SLC5A8: variants seen among roughly 807,000 people sequenced by gnomAD.
SLC5A8 encodes solute carrier family 5 member 8.
In SLC5A8, 55 loss-of-function variants were observed where a neutral mutation model predicts 71.9. The ratio of observed to expected loss-of-function variants is 0.77; its 90% CI spans 0.62 to 0.96. SLC5A8 has a LOEUF of 0.96. SLC5A8 is among the 40% of genes least tolerant of loss of function. SLC5A8 has a pLI of 0.00. For missense variants in SLC5A8, 701 were observed against 745.3 expected (o/e 0.94, Z 0.69); for synonymous variants, 307 against 276.1 (o/e 1.11, Z -1.11).
In SLC5A8 at chr12:101,184,191, T is replaced by G; in HGVS notation, c.995A>C (p.Gln332Pro). Reference sequence around the variant, plus strand: ...AAGTCCAGGAAGTCCTGGATAATCTTGCAGAATGTCCAGTACCAAATAAGG... The same window carrying G: ...AAGTCCAGGAAGTCCTGGATAATCTGGCAGAATGTCCAGTACCAAATAAGG... ...LMPYLVLDIL[Q>P]DYPGLPGLFV... Residue 332 changes from glutamine to proline, a missense_variant, in exon 8 of 15, where the codon CAA (glutamine) becomes CCA (proline). Coordinates refer to ENST00000536262, the MANE Select transcript of SLC5A8 (RefSeq NM_145913.5). The G allele has an allele frequency of 6.2e-7, 1 of 1,614,194 alleles. No individual in the cohort carries two copies. Among genetic ancestry groups the G allele is most frequent in the Non-Finnish European group, 8.5e-7 (1 of 1,180,034 alleles).
At chr12:101,202,302 C>T (rs1038767717) in intron 2 of SLC5A8, 87 bp from the exon 3 acceptor site, 27 of 1,204,420 alleles carry the variant, frequency 2.2e-5, no homozygotes, top group Admixed American at 3.1e-5. Flanking sequence ...GATTGTTTTC[C>T]TATAACTTCA....
chr12:101,166,139 T>C (rs1417588640), intron 12 of SLC5A8, among the ~76,000 whole-genome samples: 1 of 152,244 alleles, frequency 6.6e-6, no homozygotes, highest in Non-Finnish European at 1.5e-5. Context: ...TAAGACTATA[T>C]AAGCAATATT....
intron 3 of SLC5A8, among the ~76,000 whole-genome samples, chr12:101,199,647 A>G (rs1382927104): frequency 1.3e-5 from 2 of 152,000 alleles, no homozygotes; most frequent in East Asian, 3.8e-4. Context: ...AAAAAAGAAT[A>G]ATATCAAATG....
At chr12:101,183,482 T>C (rs1368537084) in intron 8 of SLC5A8, among the ~76,000 whole-genome samples, 1 of 152,178 alleles carries the variant, frequency 6.6e-6, no homozygotes, top group Non-Finnish European at 1.5e-5. Context: ...TTGCTGTTAA[T>C]CCTCAGTGTC....
intron 6 of SLC5A8, among the ~76,000 whole-genome samples, chr12:101,189,456 A>T (rs375767639): frequency 6.6e-6 from 1 of 152,204 alleles, no homozygotes; most frequent in African/African-American, 2.4e-5. Flanking sequence ...AAATAGAAAT[A>T]GAATTGTCCT....
intron 9 of SLC5A8, among the ~76,000 whole-genome samples, chr12:101,182,393 A>C (rs1435763287): frequency 2.0e-5 from 3 of 152,222 alleles, no homozygotes; most frequent in Admixed American, 6.5e-5. Flanking sequence ...TAACAGAAAA[A>C]GTGTGGCTCT....
chr12:101,161,923 T>C, intron 13 of SLC5A8, 51 bp downstream of exon 13: 2 of 1,277,958 alleles, frequency 1.6e-6, no homozygotes, highest in Non-Finnish European at 2.3e-6. Context: ...ACAGATACAG[T>C]AAAAACTGAT....
chr12:101,169,010 T>C (rs1470870677), intron 10 of SLC5A8, among the ~76,000 whole-genome samples: 1 of 152,146 alleles, frequency 6.6e-6, no homozygotes, highest in Non-Finnish European at 1.5e-5. Context: ...TCGTTGTTGT[T>C]TTAAATAGGC....
intron 13 of SLC5A8, among the ~76,000 whole-genome samples, chr12:101,159,428 CCTT>C (rs2051705074): frequency 6.6e-6 from 1 of 152,156 alleles, no homozygotes; most frequent in South Asian, 2.1e-4. Context: ...GAAAACATAG[CCTT>C]CTGCATAGTA....
chr12:101,199,960 A>G (rs1324598970), intron 3 of SLC5A8, among the ~76,000 whole-genome samples: 5 of 146,756 alleles, frequency 3.4e-5, no homozygotes, highest in Admixed American at 3.4e-4. Context: ...CTATAACAAG[A>G]GAATGGATAA....
chr12:101,159,525 A>T (rs1226869169), intron 13 of SLC5A8, among the ~76,000 whole-genome samples: 1 of 152,190 alleles, frequency 6.6e-6, no homozygotes, highest in Non-Finnish European at 1.5e-5. Context: ...GATAGGTTTT[A>T]AAATCTGTTT....
chr12:101,157,363 T>C lies in SLC5A8; in HGVS notation c.1749A>G (p.Glu583=). ...AAGCAGGATTATCAGTTCCACCATC[T>C]TCCACTGGATGTGATTTATAGCTCA... The part of the protein sequence containing the change: ...HVLSYKSHPV[E]DGGTDNPAFN... The change falls in exon 15 of 15, where the codon GAA becomes GAG. Residue 583 remains glutamate, a synonymous_variant. Coordinates refer to ENST00000536262, the MANE Select transcript of SLC5A8 (RefSeq NM_145913.5). 3 of 1,611,624 alleles carry C rather than the reference T, an allele frequency of 1.9e-6. No individual in the cohort carries two copies. Among genetic ancestry groups the C allele is most frequent in the Non-Finnish European group, 2.5e-6 (3 of 1,178,664 alleles).
chr12:101,185,765 G>C (rs1237021089), intron 7 of SLC5A8, among the ~76,000 whole-genome samples: 1 of 152,044 alleles, frequency 6.6e-6, no homozygotes, highest in Admixed American at 6.6e-5. Context: ...TTTTAATAGA[G>C]ACGGATTTTA....
chr12:101,190,436 T>C, intron 6 of SLC5A8, 32 bp downstream of exon 6: 2 of 1,597,688 alleles, frequency 1.3e-6, no homozygotes, highest in Non-Finnish European at 1.7e-6. Flanking sequence ...TGATGGTTAT[T>C]AATGATTCAT....
intron 7 of SLC5A8, 62 bp from the exon 8 acceptor site, chr12:101,184,284 T>A: frequency 7.6e-7 from 1 of 1,323,708 alleles, no homozygotes. Context: ...AATGAATGCC[T>A]AGTTTATCAT....
chr12:101,158,356 G>T lies in SLC5A8; in HGVS notation c.1631-28C>A, dbSNP rs373545914. 5 of 1,478,294 alleles carry T rather than the reference G, an allele frequency of 3.4e-6. No individual in the cohort carries two copies. The African/African-American group carries it at 5.7e-5, about 17-fold the overall frequency. 91.6% of individuals were successfully genotyped at this position (1,478,294 alleles called of 1,614,324 possible). A position where few individuals can be genotyped will look rare whatever the true frequency, so the allele number is the denominator to read the frequency against. The stretch of plus-strand genomic sequence containing the variant: ...GGAAAAAAAAATGTACATGACTTAC[G>T]TTGTTAAAAAGGACACCAGTAACTA... On this transcript the variant is annotated intron_variant, in intron 13 of 14. Transcript: ENST00000536262.
intron 9 of SLC5A8, 149 bp from the exon 10 acceptor site, chr12:101,180,245 A>G: frequency 1.3e-6 from 1 of 795,730 alleles, no homozygotes; most frequent in Non-Finnish European, 2.1e-6. Flanking sequence ...GAATAAAGGA[A>G]ATGGCTATTT....
chr12:101,198,859 C>A (rs1172343701), intron 3 of SLC5A8, among the ~76,000 whole-genome samples: 1 of 151,794 alleles, frequency 6.6e-6, no homozygotes, highest in Non-Finnish European at 1.5e-5. Context: ...CAGGGTTTAT[C>A]CCAAGAATGC....
At chr12:101,200,739 G>C (rs924635865) in intron 3 of SLC5A8, among the ~76,000 whole-genome samples, 3 of 152,048 alleles carry the variant, frequency 2.0e-5, no homozygotes, top group South Asian at 2.1e-4. Flanking sequence ...AGGTAAGGGG[G>C]AGTGAATTAA....
Sources: allele counts gnomAD v4.1 joint callset (sites outside exome capture counted in the v4.1 genomes callset), GRCh38; gene constraint gnomAD v4.1.1; transcripts MANE v1.5; gene names NCBI Gene and HGNC (gene_info 2026-07-23, HGNC 2026-07-21).